The following IQSEC1 variants were observed in gnomAD, a reference collection of about 807,000 sequenced individuals.
IQSEC1 encodes the protein IQ motif and Sec7 domain ArfGEF 1.
IQSEC1 carries 31 observed loss-of-function variants against 91.0 expected under a neutral mutation model. The ratio of observed to expected loss-of-function variants is 0.34; its 90% confidence interval spans 0.26 to 0.46. IQSEC1 has a LOEUF of 0.46. Among genes scored for constraint, IQSEC1 ranks in the 20% least tolerant of loss-of-function variants. IQSEC1 has a pLI of 1.00. For missense variants in IQSEC1, 1,388 were observed against 1,575.6 expected, an observed-to-expected ratio of 0.88 and a Z score of 2.02; for synonymous variants, 699 against 662.6, an observed-to-expected ratio of 1.05 and a Z score of -0.84.
chr3:13,221,462 G>C (rs974882239), intron 1 of IQSEC1, among the ~76,000 whole-genome samples: 5 of 152,220 alleles, frequency 3.3e-5, no homozygotes, highest in Admixed American at 6.5e-5. Context: ...CACAGGAAGG[G>C]CCTTCCAGGC....
intron 1 of IQSEC1, among the ~76,000 whole-genome samples, chr3:12,976,243 G>A (rs1488223940): frequency 6.6e-6 from 1 of 152,212 alleles, no homozygotes; most frequent in South Asian, 2.1e-4. Context: ...AGTGACACTG[G>A]GGAAAAGCAG....
intron 1 of IQSEC1, among the ~76,000 whole-genome samples, chr3:12,990,715 C>T (rs998597087): frequency 2.6e-5 from 4 of 152,194 alleles, no homozygotes; most frequent in Non-Finnish European, 5.9e-5. Flanking sequence ...GGCTCTGGGG[C>T]AACCGAGCAA....
rs140147008 is a variant in IQSEC1 at position 13,141,925 on chromosome 3, A to G, written c.302+22179T>C. Among the ~76,000 whole-genome samples, 457 of 152,312 alleles carry G rather than the reference A, an allele frequency of 3.0e-3. 2 individuals are homozygous for G. The highest frequency in any genetic ancestry group is 0.016 in the South Asian group (78 of 4,824). On this transcript the variant is annotated intron_variant, in intron 2 of 15. Coordinates refer to the IQSEC1 transcript ENST00000648114. The stretch of plus-strand genomic sequence containing the variant: ...GTCAGAGCTGGGAGAGCCAGGATGC[A>G]CAAACACCCCAAAGGAGATTTTCGG...
intron 1 of IQSEC1, among the ~76,000 whole-genome samples, chr3:12,966,630 C>A (rs571229862): frequency 6.6e-6 from 1 of 152,146 alleles, no homozygotes; most frequent in African/African-American, 2.4e-5. Flanking sequence ...AGGGTTGGCC[C>A]CTCTGACACA....
At position 13,277,137 on chromosome 3, in the gene IQSEC1, A is replaced by AAAAAAAAAAAAAAAAAC. The variant is rs60347391; in HGVS notation, c.272+5573_272+5574insGTTTTTTTTTTTTTTTT. On this transcript the variant is annotated intron_variant, in intron 1 of 15. Coordinates refer to the IQSEC1 transcript ENST00000648114. ...AAAAAAAAAAAAAAAAAAAAAAAAA[A>AAAAAAAAAAAAAAAAAC]CAGAAAACAAGACACAAAAGACCGG... 8.5e-5 allele frequency among the ~76,000 whole-genome samples: 10 copies of AAAAAAAAAAAAAAAAAC among 118,328 alleles called. 1 individual carries two copies. Among genetic ancestry groups the AAAAAAAAAAAAAAAAAC allele is most frequent in the African/African-American group, 3.3e-4 (9 of 27,392 alleles). The allele number at this position is 118,328 out of a possible 152,430, so 77.6% of individuals were successfully genotyped here. A position where few individuals can be genotyped will look rare whatever the true frequency, so the allele number is the denominator to read the frequency against.
At chr3:13,028,140 G>A (rs1467860848) in intron 1 of IQSEC1, among the ~76,000 whole-genome samples, 1 of 151,978 alleles carries the variant, frequency 6.6e-6, no homozygotes, top group Non-Finnish European at 1.5e-5. Context: ...AGGACAAATA[G>A]GGGGTTTGCT....
In IQSEC1 at chr3:12,922,270, A is replaced by C; in HGVS notation, c.1731-28T>G. 6.5e-7 allele frequency: 1 copy of C among 1,543,236 alleles called. No homozygotes were observed. The highest frequency in any genetic ancestry group is 8.8e-7 in the Non-Finnish European group (1 of 1,134,084). ...GGAATAGAGACAGACAGCCCCGCAT[A>C]AGCACCCCTTGCAGGTGCGACACGC... On this transcript the variant is annotated intron_variant, in intron 4 of 13. Transcript: ENST00000613206. The surrounding 1 kb of genome is among the most constrained non-coding windows in gnomAD (Gnocchi z 5.1).
intron 2 of IQSEC1, among the ~76,000 whole-genome samples, chr3:13,158,823 G>A (rs1404921282): frequency 3.3e-5 from 5 of 152,068 alleles, no homozygotes; most frequent in African/African-American, 4.8e-5. Context: ...TTAGCCAAGC[G>A]TGGTGGTGTG....
intron 2 of IQSEC1, among the ~76,000 whole-genome samples, chr3:13,093,510 G>A (rs1211269635): frequency 6.6e-6 from 1 of 152,144 alleles, no homozygotes; most frequent in Non-Finnish European, 1.5e-5. Flanking sequence ...CCAAGTAACT[G>A]GTCCCTGTGG....
At chr3:13,165,512 GGGGGGGT>G (rs1427612098) in intron 1 of IQSEC1, among the ~76,000 whole-genome samples, 1 of 119,184 alleles carries the variant, frequency 8.4e-6, no homozygotes, top group African/African-American at 3.2e-5. Context: ...GAAAGCAAGC[GGGGGGGT>G]GGGGGGTGGG....
At chr3:13,247,584 C>A (rs775493819) in intron 1 of IQSEC1, among the ~76,000 whole-genome samples, 1 of 152,224 alleles carries the variant, frequency 6.6e-6, no homozygotes, top group Non-Finnish European at 1.5e-5. Context: ...GCAGAAATTT[C>A]TCTCTCATAA....
intron 1 of IQSEC1, among the ~76,000 whole-genome samples, chr3:12,977,876 G>A (rs975246194): frequency 6.6e-6 from 1 of 152,232 alleles, no homozygotes. Context: ...TCCACTGATT[G>A]AGAATTAATG....
chr3:13,150,720 C>A (rs1372011447), intron 2 of IQSEC1, among the ~76,000 whole-genome samples: 1 of 152,194 alleles, frequency 6.6e-6, no homozygotes, highest in Admixed American at 6.5e-5. Context: ...CTGAGTGTGG[C>A]TCTCACCCAC....
chr3:13,096,486 ATTTG>A (rs1705964695), intron 2 of IQSEC1, among the ~76,000 whole-genome samples: 1 of 152,246 alleles, frequency 6.6e-6, no homozygotes, highest in Admixed American at 6.5e-5. Context: ...AGAATCAAGT[ATTTG>A]GGGGGCATAG....
intron 1 of IQSEC1, among the ~76,000 whole-genome samples, chr3:13,176,298 TAAC>T (rs1693727258): frequency 6.6e-6 from 1 of 152,208 alleles, no homozygotes; most frequent in South Asian, 2.1e-4. Flanking sequence ...AACTGGAGGA[TAAC>T]AAGTGTTCAT....
chr3:13,253,552 C>T (rs370174136), intron 1 of IQSEC1, among the ~76,000 whole-genome samples: 4 of 152,238 alleles, frequency 2.6e-5, no homozygotes, highest in South Asian at 4.1e-4. Flanking sequence ...CAGAAAACTA[C>T]ACTCAACTCC....
chr3:12,967,721 G>A lies in IQSEC1; in HGVS notation c.24-25856C>T, dbSNP rs1700681764. 4 of 1,100,786 alleles carry A rather than the reference G, an allele frequency of 3.6e-6. No homozygotes were observed. Among genetic ancestry groups the A allele is most frequent in the East Asian group, 1.1e-4 (2 of 18,540 alleles). The allele number at this position is 1,100,786 out of a possible 1,614,324, so 68.2% of individuals were successfully genotyped here. A position where few individuals can be genotyped will look rare whatever the true frequency, so the allele number is the denominator to read the frequency against. ...CGCGAGGCCGGGCCGGAGGAATGTGGCCCTGAAGTGGGCGGGGCAGGGCGG... is the reference window on the plus strand; with the variant it reads ...CGCGAGGCCGGGCCGGAGGAATGTGACCCTGAAGTGGGCGGGGCAGGGCGG... On this transcript the variant is annotated intron_variant, in intron 1 of 13. Transcript: ENST00000613206. The surrounding 1 kb of genome is among the most constrained non-coding windows in gnomAD (Gnocchi z 5.9).
intron 2 of IQSEC1, among the ~76,000 whole-genome samples, chr3:13,149,717 C>T (rs1341859058): frequency 6.6e-6 from 1 of 152,070 alleles, no homozygotes; most frequent in East Asian, 1.9e-4. Context: ...CCGCCTCCCC[C>T]AACCCCTGTG....
At chr3:13,004,677 A>G (rs1280027050) in intron 1 of IQSEC1, among the ~76,000 whole-genome samples, 1 of 152,208 alleles carries the variant, frequency 6.6e-6, no homozygotes, top group African/African-American at 2.4e-5. Context: ...AGCAAAGCTC[A>G]GAACGGAATC....
Sources: gnomAD v4.1 joint callset for allele counts (sites outside exome capture counted in the v4.1 genomes callset) on GRCh38, gnomAD v4.1.1 for gene constraint, Gnocchi (gnomAD v3.1) non-coding constraint, MANE v1.5 for transcripts, NCBI Gene and HGNC (gene_info 2026-07-23, HGNC 2026-07-21) for gene names.